The following DNAH7 variants were observed in gnomAD, a reference collection of about 807,000 sequenced individuals.
The protein encoded by DNAH7 is axonemal beta dynein heavy chain 7.
Under a neutral mutation model 444.6 loss-of-function variants are expected in DNAH7, and 397 were observed. That is an observed-to-expected ratio of 0.89 (90% CI 0.82 to 0.97). The LOEUF is 0.97. DNAH7 is among the 50% of genes least tolerant of loss of function. DNAH7 has a pLI of 0.00. For missense variants in DNAH7, 4,902 were observed against 4,800.8 expected (o/e 1.02, Z -0.62); for synonymous variants, 1,636 against 1,624.4 (o/e 1.01, Z -0.17).
chr2:195,858,184 T>G (rs1309143865), intron 43 of DNAH7, among the ~76,000 whole-genome samples: 2 of 152,358 alleles, frequency 1.3e-5, no homozygotes, highest in East Asian at 3.9e-4. Flanking sequence ...AAAGCTTATG[T>G]CTTTGTTGAT....
intron 17 of DNAH7, among the ~76,000 whole-genome samples, chr2:195,963,599 G>A (rs891547798): frequency 6.6e-6 from 1 of 152,118 alleles, no homozygotes; most frequent in Non-Finnish European, 1.5e-5. Flanking sequence ...TTGTTGTGCA[G>A]AAGTTTTTAA....
In DNAH7 at chr2:196,026,944, C is replaced by T. The variant is rs1000865452; in HGVS notation, c.487-4G>A. 1 of 1,554,296 alleles carries T rather than the reference C, an allele frequency of 6.4e-7. No individual in the cohort carries two copies. The highest frequency in any genetic ancestry group is 1.2e-5 in the South Asian group (1 of 80,726). ...GGTGAATATAATAGTAATATCTCTA[C>T]AAAAAGAAGATAGGAAAAATGTAGA... On this transcript the variant is annotated splice_region_variant and splice_polypyrimidine_tract_variant and intron_variant, in intron 6 of 64. Coordinates refer to ENST00000312428, the MANE Select transcript of DNAH7 (RefSeq NM_018897.3).
At position 195,936,616 on chromosome 2, in the gene DNAH7, C is replaced by G; in HGVS notation, c.3255G>C (p.Glu1085Asp). Residue 1085 changes from glutamate to aspartate, a missense_variant, in exon 20 of 65, where the codon GAG becomes GAC. Physicochemically the swap from Glu to Asp is conservative, Grantham distance 45 (BLOSUM62 2). Coordinates refer to ENST00000312428, the MANE Select transcript of DNAH7 (RefSeq NM_018897.3). ...SNDELLEILS[E>D]TKDPTRVQPH... The stretch of plus-strand genomic sequence containing the variant: ...TTACTTACCTAGTGGGATCTTTAGT[C>G]TCAGATAGTATCTCAAGAAGTTCAT... 6.3e-7 allele frequency: 1 copy of G among 1,594,176 alleles called. No homozygotes were observed. Among genetic ancestry groups the G allele is most frequent in the East Asian group, 2.3e-5 (1 of 44,262 alleles).
rs189828681 is a variant in DNAH7 at position 195,875,636 on chromosome 2, A to G, written c.6286+39T>C. On this transcript the variant is annotated intron_variant, in intron 38 of 64. Transcript: ENST00000312428. ...TATTTCTTTAGCTATTGCTAGGGAGATTTTTCCATCTTAGTAATCACAAAC... is the reference window on the plus strand; with the variant it reads ...TATTTCTTTAGCTATTGCTAGGGAGGTTTTTCCATCTTAGTAATCACAAAC... The G allele has an allele frequency of 5.7e-4, 865 of 1,524,804 alleles. 9 individuals are homozygous for G. The African/African-American group carries it at 0.011, about 19-fold the overall frequency. 94.5% of individuals were successfully genotyped at this position (1,524,804 alleles called of 1,614,324 possible). A position where few individuals can be genotyped will look rare whatever the true frequency, so the allele number is the denominator to read the frequency against.
At chr2:195,898,128 T>C (rs1702444138) in intron 28 of DNAH7, among the ~76,000 whole-genome samples, 1 of 152,212 alleles carries the variant, frequency 6.6e-6, no homozygotes, top group Non-Finnish European at 1.5e-5. Flanking sequence ...AAATGAAAAT[T>C]ATTAAAAGTG....
intron 15 of DNAH7, among the ~76,000 whole-genome samples, chr2:195,980,086 A>C (rs1316765424): frequency 8.1e-6 from 1 of 123,900 alleles, no homozygotes; most frequent in Admixed American, 8.7e-5. Flanking sequence ...AAAAAAAAAA[A>C]CTAGAGGAGG....
At chr2:195,882,623 T>C (rs925513692) in intron 35 of DNAH7, among the ~76,000 whole-genome samples, 3 of 152,264 alleles carry the variant, frequency 2.0e-5, no homozygotes, top group Non-Finnish European at 4.4e-5. Context: ...GCCATATCTT[T>C]GCATCCAATT....
At chr2:195,775,201 C>A (rs1695007639) in intron 60 of DNAH7, among the ~76,000 whole-genome samples, 1 of 152,226 alleles carries the variant, frequency 6.6e-6, no homozygotes, top group East Asian at 1.9e-4. Context: ...GTGCTCACGG[C>A]AGCTAAATTC....
At position 196,067,295 on chromosome 2, in the gene DNAH7, G is replaced by C. The variant is rs533733707; in HGVS notation, c.15+1402C>G. Among the ~76,000 whole-genome samples, 36 of 152,266 alleles carry C rather than the reference G, an allele frequency of 2.4e-4. 2 individuals are homozygous for C. The South Asian group carries it at 7.2e-3, about 31-fold the overall frequency. On this transcript the variant is annotated intron_variant, in intron 1 of 64. Transcript: ENST00000312428. ...CAACGTAGGATATGGTTCAAGATCT[G>C]GCCGAAGACTAACTTGGGCAACAAG...
intron 15 of DNAH7, among the ~76,000 whole-genome samples, chr2:195,982,603 G>C (rs1692647757): frequency 6.6e-6 from 1 of 152,082 alleles, no homozygotes; most frequent in African/African-American, 2.4e-5. Flanking sequence ...CAGATGAATA[G>C]AAAAAGAAAA....
chr2:195,744,438 A>G (rs925280194), intron 63 of DNAH7, among the ~76,000 whole-genome samples: 3 of 152,200 alleles, frequency 2.0e-5, no homozygotes, highest in Non-Finnish European at 4.4e-5. Flanking sequence ...ACAAACAAAC[A>G]AAAAGACAGC....
chr2:195,946,747 G>A (rs918256424), intron 19 of DNAH7, among the ~76,000 whole-genome samples: 18 of 151,074 alleles, frequency 1.2e-4, no homozygotes, highest in African/African-American at 3.7e-4. Context: ...CTCTTCACCC[G>A]GTCCTTGTCC....
At chr2:195,997,510 G>C (rs1693771733) in intron 12 of DNAH7, among the ~76,000 whole-genome samples, 1 of 152,134 alleles carries the variant, frequency 6.6e-6, no homozygotes, top group Non-Finnish European at 1.5e-5. Context: ...GCAAGATGGA[G>C]TCATTCATTT....
At chr2:195,925,694 G>C (rs1688286962) in intron 22 of DNAH7, among the ~76,000 whole-genome samples, 1 of 152,020 alleles carries the variant, frequency 6.6e-6, no homozygotes, top group Non-Finnish European at 1.5e-5. Flanking sequence ...TCAAACCCCT[G>C]TTCAACAATG....
At chr2:195,819,275 T>C (rs1697356812) in intron 49 of DNAH7, among the ~76,000 whole-genome samples, 1 of 152,188 alleles carries the variant, frequency 6.6e-6, no homozygotes, top group Non-Finnish European at 1.5e-5. Context: ...CATATTACAC[T>C]GTATGCAATC....
At position 195,806,688 on chromosome 2, in the gene DNAH7, A is replaced by G; in HGVS notation, c.10176+52T>C. ...AGGAAACGCACATTTGGATGGACTG[A>G]GCAGGCATAAGGCTTTGGAATCATT... On this transcript the variant is annotated intron_variant, in intron 54 of 64. Coordinates refer to ENST00000312428, the MANE Select transcript of DNAH7 (RefSeq NM_018897.3). The G allele has an allele frequency of 2.0e-6, 3 of 1,497,782 alleles. No individual in the cohort carries two copies. The South Asian group carries it at 3.5e-5, about 17-fold the overall frequency. 92.8% of individuals were successfully genotyped at this position (1,497,782 alleles called of 1,614,324 possible).
chr2:195,872,195 G>T, intron 40 of DNAH7, 55 bp downstream of exon 40: 1 of 1,335,246 alleles, frequency 7.5e-7, no homozygotes, highest in Non-Finnish European at 1.1e-6. Context: ...CCAGTTGTTG[G>T]CATGGCAAAT....
chr2:195,917,139 C>T (rs1307234537), intron 24 of DNAH7, among the ~76,000 whole-genome samples: 1 of 149,804 alleles, frequency 6.7e-6, no homozygotes, highest in Non-Finnish European at 1.5e-5. Context: ...CATCACTGCA[C>T]TCCAGTCTGG....
At chr2:195,888,557 A>C (rs1408398371) in intron 32 of DNAH7, 123 bp from the exon 33 acceptor site, 1 of 1,088,584 alleles carries the variant, frequency 9.2e-7, no homozygotes, top group African/African-American at 1.6e-5. Flanking sequence ...AATATTATAT[A>C]ATTTCATGAT....
Sources: gnomAD v4.1 joint callset for allele counts (sites outside exome capture counted in the v4.1 genomes callset) on GRCh38, gnomAD v4.1.1 for gene constraint, MANE v1.5 for transcripts, NCBI Gene and HGNC (gene_info 2026-07-23, HGNC 2026-07-21) for gene names.